Variants in PTPRA observed in about 807,000 individuals in gnomAD.
PTPRA encodes protein tyrosine phosphatase receptor type A, also known as receptor-type tyrosine-protein phosphatase alpha.
Under a neutral mutation model 104.8 loss-of-function variants are expected in PTPRA, and 25 were observed. The observed-to-expected ratio is 0.24, with a 90% CI of 0.17 to 0.33. The LOEUF (loss-of-function observed/expected upper bound fraction) is 0.33, where lower values mean the gene tolerates loss of function less well. Among genes scored for constraint, PTPRA ranks in the 10% least tolerant of loss-of-function variants. The pLI, the probability that PTPRA is intolerant of heterozygous loss-of-function variation, is 1.00. For synonymous variants in PTPRA, 323 were observed against 368.9 expected (o/e 0.88, Z 1.43); for missense variants, 765 against 1,015.3 (o/e 0.75, Z 3.35).
At chr20:2,924,522 G>C (rs1466568946) in intron 2 of PTPRA, among the ~76,000 whole-genome samples, 1 of 152,140 alleles carries the variant, frequency 6.6e-6, no homozygotes, top group Non-Finnish European at 1.5e-5. Flanking sequence ...ATAAAAGGTT[G>C]AGTGAAAGAA....
At chr20:3,004,302 G>A (rs1213251173) in intron 9 of PTPRA, among the ~76,000 whole-genome samples, 2 of 152,230 alleles carry the variant, frequency 1.3e-5, no homozygotes, top group South Asian at 2.1e-4. Flanking sequence ...ACAGGCGTGA[G>A]CCACTTCACC....
chr20:2,998,544 G>A (rs576458157), intron 9 of PTPRA, among the ~76,000 whole-genome samples: 14 of 152,292 alleles, frequency 9.2e-5, no homozygotes, highest in Non-Finnish European at 1.3e-4. Flanking sequence ...AAAGATGCCC[G>A]CTGACATCTG....
intron 6 of PTPRA, among the ~76,000 whole-genome samples, chr20:2,979,874 C>T (rs2062598754): frequency 1.3e-5 from 2 of 150,706 alleles, no homozygotes; most frequent in East Asian, 4.0e-4. Flanking sequence ...GATTTTTTCC[C>T]TCCTAATCAT....
At chr20:2,987,796 A>G in intron 7 of PTPRA, 1 of 600,016 alleles carries the variant, frequency 1.7e-6, no homozygotes, top group South Asian at 1.7e-5. Context: ...GCCTGAATAT[A>G]CTGTTGGGGT....
rs117978079 is a variant in PTPRA, at chr20:3,017,670, A to C, written c.944-146A>C. On this transcript the variant is annotated intron_variant, in intron 12 of 23. Transcript: ENST00000399903. ...GAAACATGGAAAATACTCAATTAGTAACGGGGTGGATGGATACATGGGTTA... is the reference window on the plus strand; with the variant it reads ...GAAACATGGAAAATACTCAATTAGTCACGGGGTGGATGGATACATGGGTTA... 3.5e-3 allele frequency: 2,222 copies of C among 643,666 alleles called. 6 individuals carry two copies. Among genetic ancestry groups the C allele is most frequent in the Non-Finnish European group, 3.6e-3 (1,293 of 362,106 alleles). 39.9% of individuals were successfully genotyped at this position (643,666 alleles called of 1,614,324 possible).
intron 3 of PTPRA, among the ~76,000 whole-genome samples, chr20:2,957,994 T>G (rs145564957): frequency 6.6e-6 from 1 of 152,082 alleles, no homozygotes; most frequent in East Asian, 1.9e-4. Flanking sequence ...AGTATAGGGC[T>G]GACAGTTTGG....
At chr20:2,978,839 A>G (rs1431046915) in intron 6 of PTPRA, among the ~76,000 whole-genome samples, 1 of 152,180 alleles carries the variant, frequency 6.6e-6, no homozygotes, top group East Asian at 1.9e-4. Flanking sequence ...CATTTTATTT[A>G]CAAAAACAGG....
At chr20:2,994,299 C>T (rs1248705438) in intron 9 of PTPRA, among the ~76,000 whole-genome samples, 3 of 152,076 alleles carry the variant, frequency 2.0e-5, no homozygotes, top group Admixed American at 1.3e-4. Flanking sequence ...CCCAGGCCTA[C>T]GAGTTGGATG....
chr20:2,946,569 GC>G (rs1257359438), intron 2 of PTPRA, among the ~76,000 whole-genome samples: 16 of 152,108 alleles, frequency 1.1e-4, no homozygotes, highest in African/African-American at 3.6e-4. Flanking sequence ...GAAAGAGTAG[GC>G]CGGGCATGGT....
intron 20 of PTPRA, among the ~76,000 whole-genome samples, chr20:3,032,409 T>A (rs2065505135): frequency 6.6e-6 from 1 of 152,196 alleles, no homozygotes; most frequent in East Asian, 1.9e-4. Flanking sequence ...AATCTGCTAA[T>A]CTCACTTTCC....
In PTPRA at chr20:2,969,578, GGCGCGGCGGC is replaced by G. The variant is rs1331891351; in HGVS notation, c.415+4377_415+4386del. Among the ~76,000 whole-genome samples the G allele has an allele frequency of 3.0e-3, 443 of 147,354 alleles. 16 individuals are homozygous for G. Among genetic ancestry groups the G allele is most frequent in the Middle Eastern group, 6.9e-3 (2 of 290 alleles). On this transcript the variant is annotated intron_variant, in intron 5 of 23. Transcript: ENST00000399903. ...CTTTTAAAAATAAATAAATAGGCCGGGCGCGGCGGCTCATGCCTGTAATCCCAGCACTTTG... is the reference window on the plus strand; with the variant it reads ...CTTTTAAAAATAAATAAATAGGCCGGTCATGCCTGTAATCCCAGCACTTTG...
At chr20:2,966,196 G>A (rs2061939840) in intron 5 of PTPRA, among the ~76,000 whole-genome samples, 1 of 152,156 alleles carries the variant, frequency 6.6e-6, no homozygotes, top group African/African-American at 2.4e-5. Context: ...CTACCGTAAA[G>A]ACAAGACAGC....
chr20:2,971,183 T>A (rs1249159875), intron 5 of PTPRA, among the ~76,000 whole-genome samples: 1 of 152,222 alleles, frequency 6.6e-6, no homozygotes, highest in South Asian at 2.1e-4. Flanking sequence ...AACATTAGAA[T>A]TAACTTGTCT....
intron 1 of PTPRA, among the ~76,000 whole-genome samples, chr20:2,881,519 G>A (rs1264315386): frequency 6.6e-6 from 1 of 151,974 alleles, no homozygotes; most frequent in Non-Finnish European, 1.5e-5. Flanking sequence ...TATTTTGAGG[G>A]TTTTTTGCTT....
intron 5 of PTPRA, among the ~76,000 whole-genome samples, chr20:2,972,497 C>A (rs903576324): frequency 6.6e-6 from 1 of 152,196 alleles, no homozygotes; most frequent in Non-Finnish European, 1.5e-5. Context: ...GCCAAGGCCG[C>A]CCAAACATAT....
intron 1 of PTPRA, among the ~76,000 whole-genome samples, chr20:2,921,000 C>T (rs1402568973): frequency 6.6e-6 from 1 of 152,008 alleles, no homozygotes; most frequent in Non-Finnish European, 1.5e-5. Context: ...ATATTGTAAC[C>T]TTTTTGGAAC....
chr20:2,962,424 G>A (rs539891207), intron 3 of PTPRA, among the ~76,000 whole-genome samples: 5 of 152,010 alleles, frequency 3.3e-5, no homozygotes, highest in Non-Finnish European at 5.9e-5. Context: ...ATTTATTTTG[G>A]TATATGGAAT....
intron 2 of PTPRA, among the ~76,000 whole-genome samples, chr20:2,944,642 C>G (rs2061056313): frequency 6.6e-6 from 1 of 152,222 alleles, no homozygotes; most frequent in Non-Finnish European, 1.5e-5. Flanking sequence ...GAGAAATAAA[C>G]TTCACCTGTT....
chr20:3,014,514 C>T (rs553982254), intron 11 of PTPRA, among the ~76,000 whole-genome samples: 1 of 152,282 alleles, frequency 6.6e-6, no homozygotes, highest in East Asian at 1.9e-4. Context: ...CGTGATGGCT[C>T]ATGCTTGTGA....
Sources: allele counts gnomAD v4.1 joint callset (sites outside exome capture counted in the v4.1 genomes callset), GRCh38; gene constraint gnomAD v4.1.1; transcripts MANE v1.5; gene names NCBI Gene and HGNC (gene_info 2026-07-23, HGNC 2026-07-21).